Variants in PCDHGB7 observed in about 807,000 individuals in gnomAD.
PCDHGB7 encodes protocadherin gamma subfamily B, 7.
A neutral mutation model predicts 61.4 loss-of-function variants in PCDHGB7; 37 were observed. The observed-to-expected ratio is 0.60, with a 90% CI of 0.46 to 0.79. The LOEUF (loss-of-function observed/expected upper bound fraction) is 0.79. PCDHGB7 is among the 30% of genes least tolerant of loss of function. PCDHGB7 has a pLI of 0.00. For synonymous variants in PCDHGB7, 464 were observed against 503.5 expected (o/e 0.92, Z 1.05); for missense variants, 1,166 against 1,202.5 (o/e 0.97, Z 0.45).
chr5:141,500,271 C>T (rs936454651), intron 2 of PCDHGB7, among the ~76,000 whole-genome samples: 3 of 151,598 alleles, frequency 2.0e-5, no homozygotes, highest in African/African-American at 7.3e-5. Flanking sequence ...TGCAGTGGCG[C>T]AATCTCGGCT....
chr5:141,428,148 G>A (rs774961575), intron 1 of PCDHGB7: 6 of 1,588,024 alleles, frequency 3.8e-6, no homozygotes, highest in East Asian at 4.5e-5. Flanking sequence ...GCTGCACACG[G>A]GAACCTGCTG....
intron 1 of PCDHGB7, among the ~76,000 whole-genome samples, chr5:141,461,711 C>A (rs897443905): frequency 1.3e-5 from 2 of 152,112 alleles, no homozygotes; most frequent in African/African-American, 2.4e-5. Flanking sequence ...ACTTTTTTTG[C>A]CCAGGCTGGA....
rs2097368013 is a variant in PCDHGB7 at position 141,431,382 on chromosome 5, A to G, written c.2415+11108A>G. 6 of 1,613,756 alleles carry G rather than the reference A, an allele frequency of 3.7e-6. No homozygotes were observed. In the East Asian group the frequency reaches 1.1e-4, roughly 30 times the overall value. On this transcript the variant is annotated intron_variant, in intron 1 of 3. Transcript: ENST00000398594. This position sits in a 1 kb window ranked among gnomAD's most constrained non-coding sequence, Gnocchi z 4.8. ...CTGGACCGCGAAGAAAAGGCTGCTC[A>G]CCACCTGGTCCTTACGGCCTCCGAC... is the stretch of plus-strand genomic sequence containing the variant.
rs147564249 is a variant in PCDHGB7, at chr5:141,432,378, C to T, written c.2415+12104C>T. 1 of 1,614,234 alleles carries T rather than the reference C, an allele frequency of 6.2e-7. No homozygotes were observed. Among genetic ancestry groups the T allele is most frequent in the Non-Finnish European group, 8.5e-7 (1 of 1,180,044 alleles). ...GTGATGGCGCGGGACAACGGGCACCCGCCCCTCAGCAGCAACGTGTCGTTG... is the reference window on the plus strand; with the variant it reads ...GTGATGGCGCGGGACAACGGGCACCTGCCCCTCAGCAGCAACGTGTCGTTG... On this transcript the variant is annotated intron_variant, in intron 1 of 3. Coordinates refer to ENST00000398594, the MANE Select transcript of PCDHGB7 (RefSeq NM_018927.4). This position sits in a 1 kb window ranked among gnomAD's most constrained non-coding sequence, Gnocchi z 6.0.
At chr5:141,463,610 G>A (rs189991450) in intron 1 of PCDHGB7, among the ~76,000 whole-genome samples, 2 of 151,672 alleles carry the variant, frequency 1.3e-5, no homozygotes, top group Admixed American at 6.6e-5. Flanking sequence ...CACCATGCCC[G>A]GCTAATTTTT....
Position 141,420,413 on chromosome 5 carries a change from A to G in PCDHGB7, c.2415+139A>G, listed in dbSNP as rs191893876. 4 of 1,222,394 alleles carry G rather than the reference A, an allele frequency of 3.3e-6. No individual in the cohort carries two copies. In the Admixed American group the frequency reaches 1.1e-4, roughly 33 times the overall value. 75.7% of individuals were successfully genotyped at this position (1,222,394 alleles called of 1,614,324 possible). A position where few individuals can be genotyped will look rare whatever the true frequency, so the allele number is the denominator to read the frequency against. ...ATAGGTCAAATTTATGGTTATCATT[A>G]TTAAAACAAAAGTTTAAATTAAATG... On this transcript the variant is annotated intron_variant, in intron 1 of 3. Transcript: ENST00000398594.
At position 141,486,484 on chromosome 5, in the gene PCDHGB7, C is replaced by G. The variant is rs200150307; in HGVS notation, c.2416-8323C>G. ...ATGCTGGGAACCCTCCTCTCAGTAC[C>G]CACAGAACTATTTTCCTCAATATTT... On this transcript the variant is annotated intron_variant, in intron 1 of 3. Transcript: ENST00000398594. The surrounding 1 kb of genome is among the most constrained non-coding windows in gnomAD (Gnocchi z 5.0). The G allele has an allele frequency of 2.8e-5, 45 of 1,614,102 alleles. No homozygotes were observed. In the Admixed American group the frequency reaches 5.5e-4, roughly 20 times the overall value.
intron 1 of PCDHGB7, chr5:141,423,465 G>T: frequency 6.2e-7 from 1 of 1,614,006 alleles, no homozygotes; most frequent in South Asian, 1.1e-5. Context: ...GCGTGGACGG[G>T]GTACAGGCTT....
chr5:141,503,260 C>A (rs2154593294), intron 2 of PCDHGB7, among the ~76,000 whole-genome samples: 1 of 152,178 alleles, frequency 6.6e-6, no homozygotes, highest in African/African-American at 2.4e-5. Flanking sequence ...ACAGCCACAA[C>A]CCCAGCACCT....
chr5:141,488,690 G>A (rs1292736219), intron 1 of PCDHGB7, among the ~76,000 whole-genome samples: 1 of 152,186 alleles, frequency 6.6e-6, no homozygotes, highest in African/African-American at 2.4e-5. Flanking sequence ...TCTCCCAGAA[G>A]GACAAGATTT....
intron 1 of PCDHGB7, among the ~76,000 whole-genome samples, chr5:141,467,938 C>A (rs527892047): frequency 9.8e-5 from 15 of 152,304 alleles, no homozygotes; most frequent in Non-Finnish European, 1.5e-4. Flanking sequence ...GGATTACAAG[C>A]ATGAGCCACC....
intron 2 of PCDHGB7, among the ~76,000 whole-genome samples, chr5:141,499,738 A>G (rs1284003023): frequency 2.4e-5 from 3 of 127,268 alleles, no homozygotes; most frequent in South Asian, 2.4e-4. Flanking sequence ...TCTCTTGCCC[A>G]GGCTGTGGCA....
rs1048758308 is a variant in PCDHGB7 at position 141,498,931 on chromosome 5, A to T, written c.2474+4066A>T. Among the ~76,000 whole-genome samples the T allele has an allele frequency of 6.2e-4, 88 of 141,764 alleles. 1 individual carries two copies. Among genetic ancestry groups the T allele is most frequent in the Non-Finnish European group, 1.1e-3 (70 of 64,686 alleles). 93.0% of individuals were successfully genotyped at this position (141,764 alleles called of 152,430 possible). On this transcript the variant is annotated intron_variant, in intron 2 of 3. Coordinates refer to ENST00000398594, the MANE Select transcript of PCDHGB7 (RefSeq NM_018927.4). ...CTGGGTGACAGAGCGAGACTCCATC[A>T]GGAAAGAAAGAAAGAAAAAGAGAGA... is the stretch of plus-strand genomic sequence containing the variant.
In PCDHGB7 at chr5:141,477,806, G is replaced by T; in HGVS notation, c.2416-17001G>T. ...ATTTGTCACTGATCGCAATGACAAT[G>T]CCCCCCAGGTCCTATATCCTCGGCC... On this transcript the variant is annotated intron_variant, in intron 1 of 3. Coordinates refer to ENST00000398594, the MANE Select transcript of PCDHGB7 (RefSeq NM_018927.4). The surrounding 1 kb of genome is among the most constrained non-coding windows in gnomAD (Gnocchi z 4.9). 6.2e-7 allele frequency: 1 copy of T among 1,614,118 alleles called. No homozygotes were observed. The highest frequency in any genetic ancestry group is 8.5e-7 in the Non-Finnish European group (1 of 1,180,036).
At chr5:141,509,128 A>C (rs995210331) in intron 3 of PCDHGB7, among the ~76,000 whole-genome samples, 8 of 151,958 alleles carry the variant, frequency 5.3e-5, no homozygotes, top group African/African-American at 1.7e-4. Flanking sequence ...TGAAGAGAAA[A>C]ACCGAGGCGC....
chr5:141,476,850 A>C lies in PCDHGB7; in HGVS notation c.2416-17957A>C, dbSNP rs747333239. Reference sequence around the variant, plus strand: ...GCGAATGACAATGCGCCTGTCTTCAACCAGTCCTTGTACCGGGCGCGCGTC... The same window carrying C: ...GCGAATGACAATGCGCCTGTCTTCACCCAGTCCTTGTACCGGGCGCGCGTC... On this transcript the variant is annotated intron_variant, in intron 1 of 3. Transcript: ENST00000398594. The surrounding 1 kb of genome is among the most constrained non-coding windows in gnomAD (Gnocchi z 7.6). The C allele has an allele frequency of 5.6e-6, 9 of 1,613,718 alleles. No individual in the cohort carries two copies. Among genetic ancestry groups the C allele is most frequent in the Non-Finnish European group, 7.6e-6 (9 of 1,180,054 alleles).
chr5:141,433,742 C>T lies in PCDHGB7; in HGVS notation c.2415+13468C>T, dbSNP rs927651405. 2.6e-5 allele frequency among the ~76,000 whole-genome samples: 4 copies of T among 150,944 alleles called. No homozygotes were observed. The East Asian group carries it at 7.9e-4, about 30-fold the overall frequency. On this transcript the variant is annotated intron_variant, in intron 1 of 3. Coordinates refer to ENST00000398594, the MANE Select transcript of PCDHGB7 (RefSeq NM_018927.4). Reference sequence around the variant, plus strand: ...ATCCCAGCTACTTGGGAGGCTGAGTCAGGAGAATTGCTTTAACCTGGGAGG... The same window carrying T: ...ATCCCAGCTACTTGGGAGGCTGAGTTAGGAGAATTGCTTTAACCTGGGAGG...
chr5:141,444,524 A>G (rs563709940), intron 1 of PCDHGB7, among the ~76,000 whole-genome samples: 47 of 152,224 alleles, frequency 3.1e-4, no homozygotes, highest in African/African-American at 1.1e-3. Context: ...AGTAGGTGAG[A>G]CAGTGACTGT....
chr5:141,494,751 G>A, intron 1 of PCDHGB7, 56 bp from the exon 2 acceptor site: 2 of 1,613,426 alleles, frequency 1.2e-6, no homozygotes, highest in Non-Finnish European at 8.5e-7. Flanking sequence ...AGGGGCTCGG[G>A]TGACATTCTA....
Sources: gnomAD v4.1 joint callset for allele counts (sites outside exome capture counted in the v4.1 genomes callset) on GRCh38, gnomAD v4.1.1 for gene constraint, Gnocchi (gnomAD v3.1) non-coding constraint, MANE v1.5 for transcripts, NCBI Gene and HGNC (gene_info 2026-07-23, HGNC 2026-07-21) for gene names.